The following JAZF1 variants were observed in gnomAD, a reference collection of about 807,000 sequenced individuals.
The protein encoded by JAZF1 is juxtaposed with another zinc finger protein 1.
In JAZF1, 8 loss-of-function variants were observed where a neutral mutation model predicts 26.4. That is an observed-to-expected ratio of 0.30 (90% CI 0.18 to 0.55). The LOEUF (loss-of-function observed/expected upper bound fraction) is 0.55. JAZF1 is among the 20% of genes least tolerant of loss of function. The pLI, the probability that JAZF1 is intolerant of heterozygous loss-of-function variation, is 0.94. For missense variants in JAZF1, 199 were observed against 322.0 expected (o/e 0.62, Z 2.92); for synonymous variants, 126 against 122.3 (o/e 1.03, Z -0.20).
chr7:28,106,483 G>A (rs1402598499), intron 1 of JAZF1, among the ~76,000 whole-genome samples: 1 of 152,134 alleles, frequency 6.6e-6, no homozygotes, highest in Non-Finnish European at 1.5e-5. Context: ...CACAGGATCT[G>A]ACACGTGTTA....
intron 1 of JAZF1, chr7:28,020,869 A>T (rs1782995370): frequency 5.6e-6 from 2 of 357,354 alleles, no homozygotes; most frequent in South Asian, 4.3e-5. Context: ...AGAGCTTTCA[A>T]ATACCAACCG....
At chr7:28,043,740 T>C (rs887922315) in intron 1 of JAZF1, among the ~76,000 whole-genome samples, 4 of 152,094 alleles carry the variant, frequency 2.6e-5, no homozygotes, top group Non-Finnish European at 2.9e-5. Flanking sequence ...CAAGTGTCCA[T>C]TGACTGATGA....
Position 27,831,620 on chromosome 7 carries a change from AAAGT to A in JAZF1, c.*1176_*1179del. ...ATAAGGCTCATTTTCCTATTTCAGC[AAAGT>A]GTTTGTTTTATAAAGCTAAACAGAC... is the stretch of plus-strand genomic sequence containing the variant. On this transcript the variant is annotated 3_prime_UTR_variant, in exon 5 of 5. Transcript: ENST00000283928. 4.4e-6 allele frequency: 1 copy of A among 225,968 alleles called. No homozygotes were observed. Among genetic ancestry groups the A allele is most frequent in the Admixed American group, 5.7e-5 (1 of 17,558 alleles). The allele number at this position is 225,968 out of a possible 1,614,324, so 14.0% of individuals were successfully genotyped here.
In JAZF1 at chr7:27,832,783, C is replaced by G. The variant is rs370104745; in HGVS notation, c.*17G>C. ...AACTGCTGGTGAGGATTTCTTGGCA[C>G]AGTTATGACCAGCATGTTATTGCTG... is the stretch of plus-strand genomic sequence containing the variant. On this transcript the variant is annotated 3_prime_UTR_variant, in exon 5 of 5. Transcript: ENST00000283928. 10 of 1,458,126 alleles carry G rather than the reference C, an allele frequency of 6.9e-6. No individual in the cohort carries two copies. Among genetic ancestry groups the G allele is most frequent in the Non-Finnish European group, 9.1e-6 (10 of 1,094,584 alleles). The allele number at this position is 1,458,126 out of a possible 1,614,324, so 90.3% of individuals were successfully genotyped here.
chr7:28,109,911 G>GT (rs1784615021), intron 1 of JAZF1, among the ~76,000 whole-genome samples: 2 of 152,172 alleles, frequency 1.3e-5, no homozygotes, highest in Non-Finnish European at 2.9e-5. Flanking sequence ...CAGCCTAAGT[G>GT]AATTTAAAAA....
chr7:27,865,576 T>C (rs1040834503), intron 3 of JAZF1, among the ~76,000 whole-genome samples: 2 of 152,132 alleles, frequency 1.3e-5, no homozygotes, highest in African/African-American at 4.8e-5. Flanking sequence ...TGAATAATGG[T>C]ATCCAACATT....
At chr7:27,846,953 A>G (rs1374228981) in intron 3 of JAZF1, among the ~76,000 whole-genome samples, 2 of 149,042 alleles carry the variant, frequency 1.3e-5, no homozygotes, top group African/African-American at 5.0e-5. Context: ...TTTTAGTTTG[A>G]TGTAGCCTTA....
intron 1 of JAZF1, among the ~76,000 whole-genome samples, chr7:28,011,658 T>A (rs1158424182): frequency 6.6e-6 from 1 of 152,146 alleles, no homozygotes; most frequent in Non-Finnish European, 1.5e-5. Context: ...CAGGGAAATA[T>A]CTGCCCAAAA....
intron 1 of JAZF1, among the ~76,000 whole-genome samples, chr7:27,998,053 G>GGAAA: frequency 7.0e-6 from 1 of 143,644 alleles, no homozygotes; most frequent in East Asian, 2.0e-4. Context: ...AAGGAAGGAA[G>GGAAA]GAAGGAAGGA....
intron 2 of JAZF1, among the ~76,000 whole-genome samples, chr7:27,934,480 CA>C (rs1381513845): frequency 2.0e-4 from 31 of 152,184 alleles, no homozygotes; most frequent in Middle Eastern, 3.4e-3. Flanking sequence ...CACACACACA[CA>C]CACACCCCAT....
chr7:27,925,747 T>C lies in JAZF1; in HGVS notation c.189-30331A>G, dbSNP rs1269404257. 2.6e-5 allele frequency among the ~76,000 whole-genome samples: 4 copies of C among 152,248 alleles called. No individual in the cohort carries two copies. The South Asian group carries it at 6.2e-4, about 24-fold the overall frequency. On this transcript the variant is annotated intron_variant, in intron 2 of 4. Transcript: ENST00000283928. ...AGCCCAAGGCCAATATTCATTTGGA[T>C]GTTGTGTATTATGTGTCTTTTGCAG...
chr7:27,946,799 G>A (rs571538941), intron 2 of JAZF1, among the ~76,000 whole-genome samples: 2 of 152,296 alleles, frequency 1.3e-5, no homozygotes, highest in South Asian at 2.1e-4. Context: ...ATGACATAGA[G>A]TTCTGAATCC....
intron 3 of JAZF1, among the ~76,000 whole-genome samples, chr7:27,863,427 G>A (rs1360072255): frequency 6.6e-6 from 1 of 152,140 alleles, no homozygotes; most frequent in African/African-American, 2.4e-5. Flanking sequence ...TCAGCATTCA[G>A]GTCATGTCAG....
chr7:27,931,104 C>T (rs1409699343), intron 2 of JAZF1, among the ~76,000 whole-genome samples: 1 of 152,148 alleles, frequency 6.6e-6, no homozygotes, highest in Non-Finnish European at 1.5e-5. Flanking sequence ...AGGCCATCTA[C>T]AATGAGATTA....
chr7:28,159,146 G>A (rs1309569868), intron 1 of JAZF1, among the ~76,000 whole-genome samples: 2 of 151,982 alleles, frequency 1.3e-5, no homozygotes, highest in South Asian at 4.2e-4. Flanking sequence ...AAATAGGCAG[G>A]AAGGTGGGCT....
rs186916895 is a variant in JAZF1 at position 27,941,485 on chromosome 7, G to A, written c.189-46069C>T. ...GTGATAAATTATCTGACTCAAGTCC[G>A]ATTAAAAATGCAACCCTGAGTGCTA... On this transcript the variant is annotated intron_variant, in intron 2 of 4. Coordinates refer to ENST00000283928, the MANE Select transcript of JAZF1 (RefSeq NM_175061.4). 1.3e-3 allele frequency among the ~76,000 whole-genome samples: 199 copies of A among 152,258 alleles called. 2 individuals carry two copies. The highest frequency in any genetic ancestry group is 3.4e-3 in the Middle Eastern group (1 of 294).
At chr7:28,072,195 C>A (rs1783988861) in intron 1 of JAZF1, among the ~76,000 whole-genome samples, 1 of 152,134 alleles carries the variant, frequency 6.6e-6, no homozygotes, top group Admixed American at 6.5e-5. Flanking sequence ...TTATAATTGC[C>A]CCAAGCATTA....
chr7:28,117,983 C>T (rs1032094404), intron 1 of JAZF1: 1 of 151,850 alleles, frequency 6.6e-6, no homozygotes, highest in Non-Finnish European at 1.5e-5. Flanking sequence ...TATATGAACA[C>T]CAGTACGTGC....
intron 2 of JAZF1, among the ~76,000 whole-genome samples, chr7:27,983,857 A>G (rs1003653968): frequency 6.6e-6 from 1 of 152,222 alleles, no homozygotes; most frequent in East Asian, 1.9e-4. Flanking sequence ...AGTAAGCTTC[A>G]TAAGTGAAGG....
Sources: allele counts gnomAD v4.1 joint callset (sites outside exome capture counted in the v4.1 genomes callset), GRCh38; gene constraint gnomAD v4.1.1; transcripts MANE v1.5; gene names NCBI Gene and HGNC (gene_info 2026-07-23, HGNC 2026-07-21).